Variants in CAPN14 observed in about 807,000 individuals in gnomAD.
CAPN14 encodes calpain-14.
Under a neutral mutation model 101.3 loss-of-function variants are expected in CAPN14, and 94 were observed. The ratio of observed to expected loss-of-function variants is 0.93; its 90% CI spans 0.79 to 1.10. CAPN14 has a LOEUF of 1.10. Ranked by LOEUF, CAPN14 falls within the 50% of genes least tolerant of loss-of-function variation. CAPN14 has a pLI of 0.00. For synonymous variants in CAPN14, 338 were observed against 317.9 expected, an observed-to-expected ratio of 1.06 and a Z score of -0.67; for missense variants, 837 against 828.4, an observed-to-expected ratio of 1.01 and a Z score of -0.13.
intron 12 of CAPN14, 46 bp from the exon 13 acceptor site, chr2:31,189,524 G>A: frequency 6.7e-7 from 1 of 1,490,214 alleles, no homozygotes; most frequent in Non-Finnish European, 9.1e-7. Flanking sequence ...GATGACCCAG[G>A]GCTGTGGCCA....
At chr2:31,180,700 C>A (rs1027842390) in intron 17 of CAPN14, among the ~76,000 whole-genome samples, 12 of 152,136 alleles carry the variant, frequency 7.9e-5, no homozygotes, top group Non-Finnish European at 5.9e-5. Context: ...ATAGCTCTGA[C>A]CCCAGCATTT....
intron 1 of CAPN14, among the ~76,000 whole-genome samples, chr2:31,206,381 G>C (rs191401709): frequency 6.6e-6 from 1 of 152,272 alleles, no homozygotes; most frequent in Admixed American, 6.5e-5. Context: ...CGAGCCGGCA[G>C]TGCATCAGAT....
chr2:31,213,555 G>T (rs968607418), intron 1 of CAPN14, among the ~76,000 whole-genome samples: 3 of 152,362 alleles, frequency 2.0e-5, no homozygotes, highest in East Asian at 1.9e-4. Context: ...CTGTTGCAGG[G>T]CTAGGCACAG....
At chr2:31,194,387 T>C (rs764941879) in intron 9 of CAPN14, 22 bp downstream of exon 9, 1 of 1,537,274 alleles carries the variant, frequency 6.5e-7, no homozygotes, top group African/African-American at 1.4e-5. Flanking sequence ...AGGACATTTG[T>C]CCAAGTCCCT....
intron 12 of CAPN14, among the ~76,000 whole-genome samples, chr2:31,190,137 T>TTCTCTCTCTCTCTCTCTCTCTCTCTCTC (rs3031867): frequency 2.8e-5 from 4 of 142,684 alleles, no homozygotes; most frequent in African/African-American, 1.1e-4. Flanking sequence ...CTGATTCATA[T>TTCTCTCTCTCTCTCTCTCTCTCTCTCTC]TCTCTCTCTC....
At chr2:31,180,867 A>G (rs1680558248) in intron 17 of CAPN14, 69 bp downstream of exon 17, 1 of 1,355,878 alleles carries the variant, frequency 7.4e-7, no homozygotes, top group Non-Finnish European at 1.0e-6. Context: ...ATTCAAATAT[A>G]CTCTGCCTAG....
chr2:31,192,133 C>T lies in CAPN14; in HGVS notation c.1115-35G>A, dbSNP rs374132452. On this transcript the variant is annotated intron_variant, in intron 10 of 21. Transcript: ENST00000403897. ...AACACAGCAAGGTGAGAATGGGCCC[C>T]GGATCCCCATGCATCCTGCTTGCCG... The T allele has an allele frequency of 2.1e-4, 321 of 1,508,852 alleles. 1 individual carries two copies. The African/African-American group carries it at 3.6e-3, about 17-fold the overall frequency. 93.5% of individuals were successfully genotyped at this position (1,508,852 alleles called of 1,614,324 possible).
At chr2:31,193,434 G>A in intron 9 of CAPN14, 140 bp from the exon 10 acceptor site, 1 of 826,292 alleles carries the variant, frequency 1.2e-6, no homozygotes, top group Non-Finnish European at 1.9e-6. Flanking sequence ...GCAGAGCTGA[G>A]CTGACGATAG....
At chr2:31,216,926 T>C (rs1682672430) in intron 1 of CAPN14, among the ~76,000 whole-genome samples, 1 of 152,334 alleles carries the variant, frequency 6.6e-6, no homozygotes, top group Non-Finnish European at 1.5e-5. Flanking sequence ...AGTGTGTTTT[T>C]CACATCTAAT....
At chr2:31,199,003 T>C (rs1003497208) in intron 7 of CAPN14, among the ~76,000 whole-genome samples, 1 of 152,242 alleles carries the variant, frequency 6.6e-6, no homozygotes, top group African/African-American at 2.4e-5. Flanking sequence ...CATTTTCAGA[T>C]ATGGTTTGTG....
intron 16 of CAPN14, 30 bp from the exon 17 acceptor site, chr2:31,181,030 G>A: frequency 6.5e-7 from 1 of 1,546,652 alleles, no homozygotes; most frequent in Non-Finnish European, 8.8e-7. Context: ...TCCACATGGG[G>A]GCTGGCCCCA....
At chr2:31,194,187 C>T (rs895241423) in intron 9 of CAPN14, among the ~76,000 whole-genome samples, 1 of 152,188 alleles carries the variant, frequency 6.6e-6, no homozygotes, top group Non-Finnish European at 1.5e-5. Flanking sequence ...GCTGAGCCCT[C>T]GCTGAGCTCC....
exon 2 of CAPN14, chr2:31,226,576 G>C (rs1383701701): frequency 6.6e-6 from 1 of 152,270 alleles, no homozygotes; most frequent in African/African-American, 2.4e-5. Flanking sequence ...GGGTCCTTCA[G>C]CATGGATTTT....
chr2:31,174,672 T>G lies in CAPN14; in HGVS notation c.*9A>C, dbSNP rs1175448017. The G allele has an allele frequency of 1.9e-6, 3 of 1,551,544 alleles. No individual in the cohort carries two copies. The East Asian group carries it at 7.3e-5, about 38-fold the overall frequency. ...AGTCTTCAGTGAGGGCAGGTGAGAC[T>G]CAGCCTTCTCAGGAGTACAGTGCCA... On this transcript the variant is annotated 3_prime_UTR_variant, in exon 22 of 22. Coordinates refer to ENST00000403897, the MANE Select transcript of CAPN14 (RefSeq NM_001145122.2).
At chr2:31,219,574 G>T (rs1682798943), upstream of CAPN14, among the ~76,000 whole-genome samples, 2 of 152,218 alleles carry the variant, frequency 1.3e-5, no homozygotes, top group African/African-American at 4.8e-5. Flanking sequence ...TTCCCAGAAA[G>T]GCTTTGATGG....
intron 16 of CAPN14, among the ~76,000 whole-genome samples, chr2:31,181,214 A>G (rs1472692864): frequency 4.6e-5 from 7 of 152,126 alleles, no homozygotes; most frequent in Non-Finnish European, 7.4e-5. Context: ...GATGCCTGGT[A>G]CGGCTTGGGT....
At chr2:31,232,808 AC>A (rs999421613) in intron 1 of CAPN14, among the ~76,000 whole-genome samples, 11 of 151,922 alleles carry the variant, frequency 7.2e-5, no homozygotes, top group African/African-American at 2.4e-4. Flanking sequence ...AACCATATCA[AC>A]CCCCAACCTC....
intron 13 of CAPN14, 143 bp downstream of exon 13, chr2:31,189,130 A>C (rs1681051756): frequency 1.4e-6 from 1 of 708,080 alleles, no homozygotes; most frequent in Non-Finnish European, 2.4e-6. Flanking sequence ...CTCCATGCAG[A>C]AAGTCACCTG....
chr2:31,222,401 G>T (rs1240276812), upstream of CAPN14, among the ~76,000 whole-genome samples: 1 of 152,128 alleles, frequency 6.6e-6, no homozygotes, highest in South Asian at 2.1e-4. Context: ...ATCCTAGAAA[G>T]AGCTTACGTT....
Sources: gnomAD v4.1 joint callset for allele counts (sites outside exome capture counted in the v4.1 genomes callset) on GRCh38, gnomAD v4.1.1 for gene constraint, MANE v1.5 for transcripts, NCBI Gene and HGNC (gene_info 2026-07-23, HGNC 2026-07-21) for gene names.